The following RB1CC1 variants were observed in gnomAD, a reference collection of about 807,000 sequenced individuals.
RB1CC1 encodes RB1 inducible coiled-coil 1.
In RB1CC1, 46 loss-of-function variants were observed where a neutral mutation model predicts 177.5. The ratio of observed to expected loss-of-function variants is 0.26; its 90% CI spans 0.20 to 0.33. The LOEUF (loss-of-function observed/expected upper bound fraction) is 0.33. RB1CC1 is among the 10% of genes least tolerant of loss of function. The pLI, the probability that RB1CC1 is intolerant of heterozygous loss-of-function variation, is 1.00. For synonymous variants in RB1CC1, 666 were observed against 613.6 expected, an observed-to-expected ratio of 1.09 and a Z score of -1.26; for missense variants, 1,703 against 1,816.3, an observed-to-expected ratio of 0.94 and a Z score of 1.13.
chr8:52,673,816 A>G lies in RB1CC1; in HGVS notation c.1002+29T>C, dbSNP rs1324315899. 3 of 1,552,410 alleles carry G rather than the reference A, an allele frequency of 1.9e-6. No individual in the cohort carries two copies. In the African/African-American group the frequency reaches 4.2e-5, roughly 21 times the overall value. ...AAATAATATAAAGTAGTAAAATGAC[A>G]AAACAAACATCAAATTAACGTTACT... On this transcript the variant is annotated intron_variant, in intron 7 of 23. Transcript: ENST00000025008.
rs1166108898 is a variant in RB1CC1 at position 52,686,928 on chromosome 8, GA to G, written c.-128del. 1 of 456,656 alleles carries G rather than the reference GA, an allele frequency of 2.2e-6. No homozygotes were observed. 28.3% of individuals were successfully genotyped at this position (456,656 alleles called of 1,614,324 possible). A position where few individuals can be genotyped will look rare whatever the true frequency, so the allele number is the denominator to read the frequency against. ...ACTGGCTTATGTTTGCTTTGCTTGA[GA>G]TTGGCAACTGAATGGCATTACTGGT... On this transcript the variant is annotated 5_prime_UTR_variant, in exon 2 of 24. An upstream open reading frame in the 5' UTR gains an earlier in-frame stop. Transcript: ENST00000025008.
intron 5 of RB1CC1, among the ~76,000 whole-genome samples, chr8:52,679,252 C>G (rs111373325): frequency 1.7e-4 from 26 of 152,280 alleles, no homozygotes; most frequent in East Asian, 7.7e-4. Flanking sequence ...CACAATTTTG[C>G]CACAGGGAAA....
chr8:52,631,298 T>C (rs559733755), intron 20 of RB1CC1, among the ~76,000 whole-genome samples: 8 of 152,096 alleles, frequency 5.3e-5, no homozygotes, highest in Non-Finnish European at 1.0e-4. Context: ...TGAAACCCCA[T>C]CTCTACCAAA....
chr8:52,646,848 A>G (rs1011959887), intron 15 of RB1CC1, among the ~76,000 whole-genome samples: 3 of 152,152 alleles, frequency 2.0e-5, no homozygotes, highest in African/African-American at 7.2e-5. Context: ...TTTCAACTTA[A>G]TCCTTAGCAT....
Position 52,622,738 on chromosome 8 carries a change from A to G in RB1CC1, c.*1044T>C, listed in dbSNP as rs1288836613. ...TTTACACAATTCTATTCTACATAAC[A>G]CTGTTTACCCTGTTACATAGTATAT... On this transcript the variant is annotated 3_prime_UTR_variant, in exon 24 of 24. Transcript: ENST00000025008. 6.6e-6 allele frequency: 1 copy of G among 151,944 alleles called. No individual in the cohort carries two copies. The highest frequency in any genetic ancestry group is 1.5e-5 in the Non-Finnish European group (1 of 67,532). 9.4% of individuals were successfully genotyped at this position (151,944 alleles called of 1,614,324 possible).
intron 1 of RB1CC1, among the ~76,000 whole-genome samples, chr8:52,700,331 C>A (rs1020820010): frequency 4.7e-5 from 7 of 147,782 alleles, no homozygotes; most frequent in Non-Finnish European, 1.0e-4. Flanking sequence ...CCAGACCAAC[C>A]TGGGCAACAT....
chr8:52,706,647 G>C (rs1178731749), intron 1 of RB1CC1, among the ~76,000 whole-genome samples: 2 of 151,654 alleles, frequency 1.3e-5, no homozygotes, highest in South Asian at 2.1e-4. Flanking sequence ...CAGGAGAATG[G>C]CGTGAACCCA....
chr8:52,650,933 CT>C (rs1422862151), intron 15 of RB1CC1, among the ~76,000 whole-genome samples: 1 of 152,188 alleles, frequency 6.6e-6, no homozygotes, highest in Non-Finnish European at 1.5e-5. Context: ...TAGTCCTCTT[CT>C]CAATGAGATG....
intron 18 of RB1CC1, 77 bp from the exon 19 acceptor site, chr8:52,636,146 T>G: frequency 7.0e-7 from 1 of 1,422,776 alleles, no homozygotes. Context: ...ATTAAAATAT[T>G]AATACAGATC....
intron 11 of RB1CC1, 32 bp downstream of exon 11, chr8:52,660,894 A>G (rs773923837): frequency 1.3e-6 from 2 of 1,558,596 alleles, no homozygotes; most frequent in South Asian, 1.1e-5. Context: ...TATCCTTTAC[A>G]AAAGTAATTA....
At chr8:52,699,830 A>AAAAAATATATATAT (rs1554557119) in intron 1 of RB1CC1, among the ~76,000 whole-genome samples, 1 of 26,724 alleles carries the variant, frequency 3.7e-5, no homozygotes, top group East Asian at 2.0e-3. Flanking sequence ...AAAAAAAAAA[A>AAAAAATATATATAT]ATATATATAT....
At chr8:52,704,305 A>C (rs1035804789) in intron 1 of RB1CC1, among the ~76,000 whole-genome samples, 1 of 152,112 alleles carries the variant, frequency 6.6e-6, no homozygotes, top group African/African-American at 2.4e-5. Context: ...AACAAATACT[A>C]ATTTTAAGAA....
chr8:52,642,994 G>T, intron 16 of RB1CC1, 182 bp from the exon 17 acceptor site: 1 of 635,028 alleles, frequency 1.6e-6, no homozygotes, highest in Non-Finnish European at 2.3e-6. Context: ...TACTTTCTTG[G>T]TTCCAATTTA....
intron 22 of RB1CC1, among the ~76,000 whole-genome samples, chr8:52,626,535 A>T (rs1392807514): frequency 6.6e-6 from 1 of 152,186 alleles, no homozygotes; most frequent in Non-Finnish European, 1.5e-5. Context: ...ATGTTAACAG[A>T]TGAATCTGGG....
In RB1CC1 at chr8:52,714,163, G is replaced by C. The variant is rs1329953662; in HGVS notation, c.-255C>G. 5 of 262,808 alleles carry C rather than the reference G, an allele frequency of 1.9e-5. No individual in the cohort carries two copies. The East Asian group carries it at 8.8e-4, about 46-fold the overall frequency. The allele number at this position is 262,808 out of a possible 1,614,324, so 16.3% of individuals were successfully genotyped here. On this transcript the variant is annotated 5_prime_UTR_variant, in exon 1 of 24. Coordinates refer to ENST00000025008, the MANE Select transcript of RB1CC1 (RefSeq NM_014781.5). ...CGCCGCCGCCTAGTCCTCGGCAGCGGTTACCAACCGCCCATTCGGCACCGC... is the reference window on the plus strand; with the variant it reads ...CGCCGCCGCCTAGTCCTCGGCAGCGCTTACCAACCGCCCATTCGGCACCGC...
At chr8:52,626,081 C>T (rs1293251349) in intron 22 of RB1CC1, among the ~76,000 whole-genome samples, 1 of 152,064 alleles carries the variant, frequency 6.6e-6, no homozygotes, top group Non-Finnish European at 1.5e-5. Flanking sequence ...TTACTAACAT[C>T]CAAAAAGAAT....
intron 1 of RB1CC1, among the ~76,000 whole-genome samples, chr8:52,698,392 G>C (rs891559286): frequency 8.0e-5 from 12 of 149,726 alleles, no homozygotes; most frequent in African/African-American, 3.0e-4. Flanking sequence ...GCGCCATCTT[G>C]GCTCACCGGA....
Position 52,623,054 on chromosome 8 carries a change from G to A in RB1CC1, c.*728C>T, listed in dbSNP as rs1326349840. ...AATATGATTATTCTAGAGTCATAAAGATGTTGGGAAGGTTTGAGTCTGCAT... is the reference window on the plus strand; with the variant it reads ...AATATGATTATTCTAGAGTCATAAAAATGTTGGGAAGGTTTGAGTCTGCAT... On this transcript the variant is annotated 3_prime_UTR_variant, in exon 24 of 24. Coordinates refer to ENST00000025008, the MANE Select transcript of RB1CC1 (RefSeq NM_014781.5). 6.6e-6 allele frequency: 1 copy of A among 152,248 alleles called. No homozygotes were observed. Among genetic ancestry groups the A allele is most frequent in the Non-Finnish European group, 1.5e-5 (1 of 67,772 alleles). The allele number at this position is 152,248 out of a possible 1,614,324, so 9.4% of individuals were successfully genotyped here.
intron 1 of RB1CC1, among the ~76,000 whole-genome samples, chr8:52,705,011 T>G (rs1856428137): frequency 6.6e-6 from 1 of 152,174 alleles, no homozygotes; most frequent in Admixed American, 6.5e-5. Context: ...AAGATTTTCT[T>G]AAATTATTTG....
Sources: allele counts gnomAD v4.1 joint callset (sites outside exome capture counted in the v4.1 genomes callset), GRCh38; gene constraint gnomAD v4.1.1; transcripts MANE v1.5; gene names NCBI Gene and HGNC (gene_info 2026-07-23, HGNC 2026-07-21).